EFHC2: variants seen among roughly 807,000 people sequenced by gnomAD.
EFHC2 encodes EF-hand domain-containing family member C2.
In EFHC2, 18 loss-of-function variants were observed where a neutral mutation model predicts 52.7. The observed-to-expected ratio is 0.34, with a 90% CI of 0.24 to 0.51. The LOEUF is 0.51. Among genes scored for constraint, EFHC2 ranks in the 20% least tolerant of loss-of-function variants. The pLI, the probability that EFHC2 is intolerant of heterozygous loss-of-function variation, is 0.97. For synonymous variants in EFHC2, 203 were observed against 204.1 expected (o/e 0.99, Z 0.04); for missense variants, 513 against 562.5 (o/e 0.91, Z 0.89).
At chrX:44,327,572 G>A (rs1000500425) in intron 1 of EFHC2, among the ~76,000 whole-genome samples, 30 of 110,973 alleles carry the variant, frequency 2.7e-4, no homozygotes, top group African/African-American at 4.6e-4. Flanking sequence ...TTCCTCCCTC[G>A]TCTAATATTT....
intron 11 of EFHC2, among the ~76,000 whole-genome samples, chrX:44,219,952 C>T (rs73628322): frequency 0.023 from 2,525 of 111,305 alleles, 73 homozygotes; most frequent in African/African-American, 0.079. Context: ...AATGTTCTTT[C>T]TGAAAAACTG....
At chrX:44,206,604 T>A (rs2037050728) in intron 11 of EFHC2, among the ~76,000 whole-genome samples, 1 of 111,210 alleles carries the variant, frequency 9.0e-6, no homozygotes, top group Admixed American at 9.6e-5. Flanking sequence ...GAAATCCCAT[T>A]TACAATAGAC....
intron 11 of EFHC2, among the ~76,000 whole-genome samples, chrX:44,220,250 A>T (rs1261437109): frequency 1.8e-5 from 2 of 111,676 alleles, no homozygotes; most frequent in African/African-American, 6.5e-5. Context: ...ACAGCACAAC[A>T]CATATGTGGT....
At chrX:44,320,687 C>T (rs1230875944) in intron 1 of EFHC2, among the ~76,000 whole-genome samples, 5 of 110,530 alleles carry the variant, frequency 4.5e-5, no homozygotes, top group Admixed American at 3.9e-4. Context: ...GGAAGAAAAG[C>T]CTCCTTCAGT....
chrX:44,193,049 T>C (rs1301194138), intron 11 of EFHC2, among the ~76,000 whole-genome samples: 3 of 111,053 alleles, frequency 2.7e-5, no homozygotes, highest in Non-Finnish European at 3.8e-5. Flanking sequence ...GAACAGACTT[T>C]TTAAGTCCAT....
intron 11 of EFHC2, among the ~76,000 whole-genome samples, chrX:44,184,493 C>A (rs1244442432): frequency 9.0e-6 from 1 of 111,277 alleles, no homozygotes; most frequent in African/African-American, 3.3e-5. Flanking sequence ...GAGGCTGAGG[C>A]CGGCAGATCA....
chrX:44,310,200 A>G (rs1015382666), intron 2 of EFHC2: 9 of 732,564 alleles, frequency 1.2e-5, no homozygotes, highest in African/African-American at 8.4e-5. Flanking sequence ...CTTCTCATAC[A>G]TCTGCCAGAT....
At chrX:44,279,173 C>T (rs1018249752) in intron 2 of EFHC2, among the ~76,000 whole-genome samples, 3 of 111,686 alleles carry the variant, frequency 2.7e-5, no homozygotes, top group Middle Eastern at 9.4e-3. Flanking sequence ...GAAACCCCGT[C>T]TCTACTAAAA....
intron 11 of EFHC2, among the ~76,000 whole-genome samples, chrX:44,225,126 G>A (rs2037221911): frequency 9.0e-6 from 1 of 110,568 alleles, no homozygotes; most frequent in Non-Finnish European, 1.9e-5. Flanking sequence ...ACGATCAGCA[G>A]CTCTCACAGG....
At chrX:44,178,129 TCACACACACACA>T (rs201977577) in intron 12 of EFHC2, among the ~76,000 whole-genome samples, 3 of 83,949 alleles carry the variant, frequency 3.6e-5, no homozygotes, top group Admixed American at 1.4e-4. Flanking sequence ...AGATGCCATA[TCACACACACACA>T]CACACACACA....
At chrX:44,271,282 A>G (rs1424513690) in intron 3 of EFHC2, among the ~76,000 whole-genome samples, 1 of 111,423 alleles carries the variant, frequency 9.0e-6, no homozygotes, top group African/African-American at 3.3e-5. Context: ...TTAGGCAGCT[A>G]TTCTATTCCT....
rs1397214745 is a variant in EFHC2 at position 44,242,345 on chromosome X, C to T, written c.1112-56G>A. 15 of 1,118,474 alleles carry T rather than the reference C, an allele frequency of 1.3e-5. No homozygotes were observed. The Admixed American group carries it at 4.0e-4, about 30-fold the overall frequency. 92.2% of individuals were successfully genotyped at this position (1,118,474 alleles called of 1,213,427 possible). A position where few individuals can be genotyped will look rare whatever the true frequency, so the allele number is the denominator to read the frequency against. On this transcript the variant is annotated intron_variant, in intron 7 of 14. Transcript: ENST00000420999. Reference sequence around the variant, plus strand: ...AATATTTTTTTTGCCCTGATTATGGCTGTTTTGAAAGGTTTGTTATGTTTT... The same window carrying T: ...AATATTTTTTTTGCCCTGATTATGGTTGTTTTGAAAGGTTTGTTATGTTTT...
chrX:44,248,752 G>T, intron 6 of EFHC2, 51 bp downstream of exon 6: 1 of 1,032,625 alleles, frequency 9.7e-7, no homozygotes, highest in Non-Finnish European at 1.3e-6. Flanking sequence ...CACTGTTCAG[G>T]TTCCAAAGAA....
Position 44,163,957 on chromosome X carries a change from C to G in EFHC2, c.2113G>C (p.Val705Leu), listed in dbSNP as rs745886961. Residue 705 changes from valine to leucine, a missense_variant, in exon 14 of 15, where the codon GTG (valine) becomes CTG (leucine). Val to Leu is a conservative substitution (Grantham distance 32). Transcript: ENST00000420999. ...FSALNWRKNPVPELQPASYLK... is the reference protein window; with the variant it reads ...FSALNWRKNPLPELQPASYLK... ...TATGATGCTGGTTGCAATTCAGGCA[C>G]TGGATTCTTTCTCCAGTTCAGGGCA... 13 of 1,168,375 alleles carry G rather than the reference C, an allele frequency of 1.1e-5. No homozygotes were observed. The Admixed American group carries it at 2.5e-4, about 22-fold the overall frequency.
At chrX:44,264,233 A>G (rs2037560566) in intron 3 of EFHC2, among the ~76,000 whole-genome samples, 2 of 112,176 alleles carry the variant, frequency 1.8e-5, no homozygotes, top group Admixed American at 1.9e-4. Context: ...CTGCAGCTAC[A>G]TATTACTTGA....
chrX:44,211,207 A>T (rs1236928433), intron 11 of EFHC2, among the ~76,000 whole-genome samples: 2 of 112,320 alleles, frequency 1.8e-5, no homozygotes, highest in Non-Finnish European at 3.8e-5. Context: ...ACTCCTGGTA[A>T]AAAAGAAAAA....
intron 12 of EFHC2, 147 bp from the exon 13 acceptor site, chrX:44,176,531 G>C (rs903169853): frequency 2.3e-6 from 1 of 439,230 alleles, no homozygotes; most frequent in Non-Finnish European, 3.7e-6. Flanking sequence ...TTCACAATAA[G>C]GAAGAACAGT....
chrX:44,315,098 G>A (rs192830883), intron 1 of EFHC2, among the ~76,000 whole-genome samples: 43 of 110,864 alleles, frequency 3.9e-4, no homozygotes, highest in Admixed American at 1.1e-3. Context: ...ATGAGTTGTC[G>A]CTCAGTTATT....
intron 1 of EFHC2, among the ~76,000 whole-genome samples, chrX:44,315,288 G>C (rs1011747004): frequency 1.8e-5 from 2 of 109,869 alleles, no homozygotes; most frequent in African/African-American, 6.7e-5. Context: ...GCAGAACCAT[G>C]AGCCAATTAA....
Sources: allele counts gnomAD v4.1 joint callset (sites outside exome capture counted in the v4.1 genomes callset), GRCh38; gene constraint gnomAD v4.1.1; transcripts MANE v1.5; gene names NCBI Gene and HGNC (gene_info 2026-07-23, HGNC 2026-07-21).